Variants in RGS7 observed in about 807,000 individuals in gnomAD.
The protein encoded by RGS7 is regulator of G-protein signaling 7.
RGS7 carries 27 observed loss-of-function variants against 81.1 expected under a neutral mutation model. That is an observed-to-expected ratio of 0.33 (90% confidence interval 0.25 to 0.46). RGS7 has a LOEUF of 0.46. RGS7 is among the 20% of genes least tolerant of loss of function. The pLI, the probability that RGS7 is intolerant of heterozygous loss-of-function variation, is 1.00. For missense variants in RGS7, 396 were observed against 607.4 expected (o/e 0.65, Z 3.66); for synonymous variants, 208 against 207.7 (o/e 1.00, Z -0.01).
At chr1:241,165,278 T>C (rs2070099288) in intron 2 of RGS7, among the ~76,000 whole-genome samples, 1 of 152,194 alleles carries the variant, frequency 6.6e-6, no homozygotes, top group Non-Finnish European at 1.5e-5. Flanking sequence ...TTGCATACCA[T>C]GTTACAGAAT....
Position 241,144,661 on chromosome 1 carries a change from A to G in RGS7, c.79-45899T>C, listed in dbSNP as rs999190144. 6.6e-6 allele frequency among the ~76,000 whole-genome samples: 1 copy of G among 152,164 alleles called. No individual in the cohort carries two copies. Among genetic ancestry groups the G allele is most frequent in the African/African-American group, 2.4e-5 (1 of 41,426 alleles). On this transcript the variant is annotated intron_variant, in intron 2 of 18. Coordinates refer to ENST00000440928, the MANE Select transcript of RGS7 (RefSeq NM_001364886.1). The surrounding 1 kb of genome is among the most constrained non-coding windows in gnomAD (Gnocchi z 4.7). The stretch of plus-strand genomic sequence containing the variant: ...TGCTGTTTATGTGGCTGTATTTTCA[A>G]GATAGCATGGAGGGATGCTAAACTT...
At chr1:241,222,936 T>C (rs1168623979) in intron 2 of RGS7, among the ~76,000 whole-genome samples, 1 of 151,706 alleles carries the variant, frequency 6.6e-6, no homozygotes, top group Non-Finnish European at 1.5e-5. Flanking sequence ...GTTCTTGCAA[T>C]AGTTTGCTGA....
At chr1:240,971,584 T>C (rs1247507819) in intron 4 of RGS7, among the ~76,000 whole-genome samples, 2 of 152,210 alleles carry the variant, frequency 1.3e-5, no homozygotes, top group Non-Finnish European at 2.9e-5. Flanking sequence ...AGGACTTTGT[T>C]TGTTCCTTAA....
intron 15 of RGS7, among the ~76,000 whole-genome samples, chr1:240,805,478 G>A (rs1688690796): frequency 1.3e-5 from 2 of 152,126 alleles, no homozygotes; most frequent in South Asian, 4.1e-4. Flanking sequence ...TTGAGAGAAG[G>A]CAGAAATTCA....
chr1:240,845,528 T>C (rs1010463663), intron 9 of RGS7, among the ~76,000 whole-genome samples: 2 of 152,224 alleles, frequency 1.3e-5, no homozygotes, highest in Admixed American at 6.5e-5. Context: ...GAGAAAATGC[T>C]AGGTTTTCAG....
At chr1:241,308,664 T>G (rs181809630) in intron 2 of RGS7, among the ~76,000 whole-genome samples, 233 of 152,238 alleles carry the variant, frequency 1.5e-3, no homozygotes, top group Admixed American at 4.4e-3. Flanking sequence ...TTACCATGAG[T>G]CTGGCTGCTT....
At chr1:241,326,044 CA>C (rs1468392961) in intron 2 of RGS7, among the ~76,000 whole-genome samples, 1 of 152,120 alleles carries the variant, frequency 6.6e-6, no homozygotes, top group Non-Finnish European at 1.5e-5. Context: ...CTTCACCCAG[CA>C]AAGGTCACTT....
At chr1:240,865,847 A>G (rs1663141015) in intron 9 of RGS7, among the ~76,000 whole-genome samples, 1 of 152,162 alleles carries the variant, frequency 6.6e-6, no homozygotes, top group Non-Finnish European at 1.5e-5. Context: ...CAGCCAGCAA[A>G]TAGAGATAGA....
intron 6 of RGS7, among the ~76,000 whole-genome samples, chr1:240,876,233 C>T (rs1665391762): frequency 6.6e-6 from 1 of 152,166 alleles, no homozygotes; most frequent in Admixed American, 6.6e-5. Context: ...GCGTGACTCT[C>T]ATCTAGCACT....
At chr1:241,326,241 C>T (rs965527273) in intron 2 of RGS7, among the ~76,000 whole-genome samples, 4 of 152,284 alleles carry the variant, frequency 2.6e-5, no homozygotes, top group East Asian at 1.9e-4. Context: ...ACCCTGGTTG[C>T]GTACGTACAC....
rs1433690559 is a variant in RGS7 at position 241,068,257 on chromosome 1, T to TATATAA, written c.175+30408_175+30409insTTATAT. On this transcript the variant is annotated intron_variant, in intron 3 of 18. Transcript: ENST00000440928. Reference sequence around the variant, plus strand: ...GTGTGTGTATATATATATATATATATAAAATATTGTGTATATATAATATTA... The same window carrying TATATAA: ...GTGTGTGTATATATATATATATATATATATAAAAAATATTGTGTATATATAATATTA... 5.3e-3 allele frequency among the ~76,000 whole-genome samples: 387 copies of TATATAA among 72,936 alleles called. 62 individuals are homozygous for TATATAA. The highest frequency in any genetic ancestry group is 6.3e-3 in the African/African-American group (142 of 22,558). The allele number at this position is 72,936 out of a possible 152,430, so 47.8% of individuals were successfully genotyped here. A position where few individuals can be genotyped will look rare whatever the true frequency, so the allele number is the denominator to read the frequency against.
chr1:241,344,464 C>G (rs2082764450), intron 2 of RGS7, among the ~76,000 whole-genome samples: 1 of 152,192 alleles, frequency 6.6e-6, no homozygotes, highest in African/African-American at 2.4e-5. Context: ...TTTATACAAG[C>G]TTTACATGCA....
intron 16 of RGS7, among the ~76,000 whole-genome samples, chr1:240,802,497 C>A (rs1250688212): frequency 1.3e-5 from 2 of 152,156 alleles, no homozygotes; most frequent in Non-Finnish European, 2.9e-5. Flanking sequence ...AGTCTACTTT[C>A]AGTTATGAGG....
At chr1:240,945,119 T>C (rs1678382955) in intron 4 of RGS7, among the ~76,000 whole-genome samples, 1 of 152,224 alleles carries the variant, frequency 6.6e-6, no homozygotes. Flanking sequence ...TAGCTAGAAG[T>C]TGTGGCAGAG....
At chr1:241,130,724 A>G (rs1202418864) in intron 2 of RGS7, among the ~76,000 whole-genome samples, 1 of 152,172 alleles carries the variant, frequency 6.6e-6, no homozygotes, top group East Asian at 1.9e-4. Flanking sequence ...TCTGAATTTT[A>G]CAGGTCATTT....
intron 2 of RGS7, among the ~76,000 whole-genome samples, chr1:241,160,904 T>G (rs1417372599): frequency 6.6e-6 from 1 of 152,182 alleles, no homozygotes; most frequent in Non-Finnish European, 1.5e-5. Flanking sequence ...TGTCGCTTGC[T>G]GCATTTTACT....
chr1:240,841,130 C>T (rs1398170986), intron 9 of RGS7, among the ~76,000 whole-genome samples: 8 of 152,158 alleles, frequency 5.3e-5, no homozygotes. Flanking sequence ...ATGTTCTTTT[C>T]CTGTGCAATG....
chr1:240,958,468 G>C (rs1013522285), intron 4 of RGS7, among the ~76,000 whole-genome samples: 6 of 152,164 alleles, frequency 3.9e-5, no homozygotes, highest in Non-Finnish European at 8.8e-5. Flanking sequence ...CAGTGTGCTT[G>C]AAAATAATTT....
chr1:241,141,124 G>GT (rs1304997007), intron 2 of RGS7, among the ~76,000 whole-genome samples: 2 of 152,126 alleles, frequency 1.3e-5, no homozygotes, highest in South Asian at 4.1e-4. Flanking sequence ...CCATACAGGC[G>GT]TTTTTTAGTA....
Sources: allele counts gnomAD v4.1 joint callset (sites outside exome capture counted in the v4.1 genomes callset), GRCh38; gene constraint gnomAD v4.1.1; non-coding constraint Gnocchi (gnomAD v3.1); transcripts MANE v1.5; gene names NCBI Gene and HGNC (gene_info 2026-07-23, HGNC 2026-07-21).